Variants in LRRC9 observed in about 807,000 individuals in gnomAD.
LRRC9 encodes the protein leucine rich repeat containing 9.
In LRRC9, 122 loss-of-function variants were observed where a neutral mutation model predicts 63.2. The ratio of observed to expected loss-of-function variants is 1.93; its 90% CI spans 1.67 to 2.24. The LOEUF is 2.24. Among genes scored for constraint, LRRC9 ranks in the 30% most tolerant of loss-of-function variants. LRRC9 has a pLI of 0.00. For synonymous variants in LRRC9, 366 were observed against 213.1 expected (o/e 1.72, Z -6.25); for missense variants, 1,071 against 627.7 (o/e 1.71, Z -7.55).
At chr14:59,981,463 T>C (rs1194824559) in intron 15 of LRRC9, among the ~76,000 whole-genome samples, 1 of 152,220 alleles carries the variant, frequency 6.6e-6, no homozygotes, top group Non-Finnish European at 1.5e-5. Flanking sequence ...TTCAAGTTTC[T>C]CTGGATCTGA....
rs1244698820 is a variant in LRRC9 at position 59,962,477 on chromosome 14, C to T, written c.1211+1432C>T. Among the ~76,000 whole-genome samples the T allele has an allele frequency of 1.3e-5, 2 of 151,738 alleles. No homozygotes were observed. Among genetic ancestry groups the T allele is most frequent in the Non-Finnish European group, 2.9e-5 (2 of 67,968 alleles). On this transcript the variant is annotated intron_variant, in intron 10 of 31. Transcript: ENST00000445360. The surrounding 1 kb of genome is among the most constrained non-coding windows in gnomAD (Gnocchi z 5.1). The stretch of plus-strand genomic sequence containing the variant: ...GGAGTGCAGTGGCCCGATCTCAGCT[C>T]GCTGCAACCTCTGCCTCCCAGGTTC...
chr14:59,993,367 T>G (rs1888382879), intron 17 of LRRC9, among the ~76,000 whole-genome samples: 2 of 151,964 alleles, frequency 1.3e-5, no homozygotes, highest in Admixed American at 1.3e-4. Context: ...ATAACAAAAT[T>G]GTAAAGACCA....
At chr14:59,947,263 A>C (rs1299089168) in intron 8 of LRRC9, among the ~76,000 whole-genome samples, 1 of 144,832 alleles carries the variant, frequency 6.9e-6, no homozygotes, top group African/African-American at 2.6e-5. Context: ...GCCAGTGATG[A>C]TGAGCATTTT....
chr14:60,019,087 AGGATTTCT>A, intron 25 of LRRC9, 26 bp from the exon 26 acceptor site: 1 of 640,810 alleles, frequency 1.6e-6, no homozygotes, highest in Non-Finnish European at 2.8e-6. Context: ...AATAATTTCT[AGGATTTCT>A]GATTAATAAG....
intron 6 of LRRC9, among the ~76,000 whole-genome samples, chr14:59,934,866 T>C (rs1890003286): frequency 6.6e-6 from 1 of 152,046 alleles, no homozygotes. Flanking sequence ...TAGAAACAAA[T>C]AATCTAAGAT....
rs182424399 is a variant in LRRC9 at position 60,031,918 on chromosome 14, T to C, written c.3922-77T>C. 2 of 667,476 alleles carry C rather than the reference T, an allele frequency of 3.0e-6. No individual in the cohort carries two copies. Among genetic ancestry groups the C allele is most frequent in the African/African-American group, 1.8e-5 (1 of 55,586 alleles). The allele number at this position is 667,476 out of a possible 1,614,324, so 41.3% of individuals were successfully genotyped here. A position where few individuals can be genotyped will look rare whatever the true frequency, so the allele number is the denominator to read the frequency against. ...CTAGCTGCAAACTAACACTTACATATAATTACTTCAAATTAGTCTATATTT... is the reference window on the plus strand; with the variant it reads ...CTAGCTGCAAACTAACACTTACATACAATTACTTCAAATTAGTCTATATTT... On this transcript the variant is annotated intron_variant, in intron 28 of 31. Transcript: ENST00000445360. This position sits in a 1 kb window ranked among gnomAD's most constrained non-coding sequence, Gnocchi z 4.6.
chr14:59,992,514 C>T (rs1325137776), intron 17 of LRRC9, among the ~76,000 whole-genome samples: 2 of 151,996 alleles, frequency 1.3e-5, no homozygotes, highest in Non-Finnish European at 2.9e-5. Context: ...CTACTCAGAG[C>T]TAAAGGAGGA....
intron 29 of LRRC9, among the ~76,000 whole-genome samples, chr14:60,050,499 T>C (rs1893802399): frequency 6.6e-6 from 1 of 152,186 alleles, no homozygotes; most frequent in African/African-American, 2.4e-5. Flanking sequence ...CTTCTTTGCA[T>C]TGGGTTACAA....
At chr14:59,982,478 T>G (rs1170825749) in intron 16 of LRRC9, among the ~76,000 whole-genome samples, 1 of 152,076 alleles carries the variant, frequency 6.6e-6, no homozygotes, top group African/African-American at 2.4e-5. Flanking sequence ...GTGAGGGCCT[T>G]GCAGTGTCAT....
At position 60,060,303 on chromosome 14, in the gene LRRC9, A is replaced by G. The variant is rs1238285485; in HGVS notation, c.4276+2281A>G. ...CACTGACAATGCACCTAGTCACCTAATAACTCTGATGGAGAAGTACAAGGA... is the reference window on the plus strand; with the variant it reads ...CACTGACAATGCACCTAGTCACCTAGTAACTCTGATGGAGAAGTACAAGGA... On this transcript the variant is annotated intron_variant, in intron 31 of 31. Transcript: ENST00000445360. This position sits in a 1 kb window ranked among gnomAD's most constrained non-coding sequence, Gnocchi z 4.0. Among the ~76,000 whole-genome samples the G allele has an allele frequency of 2.0e-5, 3 of 152,230 alleles. No homozygotes were observed. The highest frequency in any genetic ancestry group is 7.2e-5 in the African/African-American group (3 of 41,468).
intron 29 of LRRC9, 21 bp downstream of exon 29, chr14:60,032,084 A>C: frequency 1.5e-6 from 1 of 677,848 alleles, no homozygotes; most frequent in Non-Finnish European, 2.7e-6. Context: ...TACCATTCTA[A>C]TTTATTAGTT....
At chr14:59,982,819 A>G (rs549002892) in intron 16 of LRRC9, among the ~76,000 whole-genome samples, 7 of 152,350 alleles carry the variant, frequency 4.6e-5, no homozygotes, top group African/African-American at 1.7e-4. Context: ...AGTGCTCAAT[A>G]GCCATTTGAG....
intron 15 of LRRC9, among the ~76,000 whole-genome samples, chr14:59,978,809 T>C (rs182427741): frequency 3.3e-5 from 5 of 152,028 alleles, no homozygotes; most frequent in Admixed American, 6.6e-5. Context: ...AACTTGGGAG[T>C]CAAAGGATAT....
At chr14:59,981,684 T>C (rs1377260157) in intron 15 of LRRC9, among the ~76,000 whole-genome samples, 164 bp from the exon 16 acceptor site, 2 of 152,228 alleles carry the variant, frequency 1.3e-5, no homozygotes, top group Non-Finnish European at 2.9e-5. Context: ...ATGCATAGCC[T>C]ACAATTTTAA....
intron 12 of LRRC9, among the ~76,000 whole-genome samples, chr14:59,969,777 C>T (rs1239375911): frequency 6.6e-6 from 1 of 152,134 alleles, no homozygotes. Flanking sequence ...GAGTTCATTC[C>T]CTACCGAATA....
chr14:60,033,374 C>A (rs933295191), intron 29 of LRRC9, among the ~76,000 whole-genome samples: 1 of 152,096 alleles, frequency 6.6e-6, no homozygotes, highest in Non-Finnish European at 1.5e-5. Context: ...TAGTAAGTTA[C>A]TAATTTCAAA....
At chr14:59,960,099 T>G (rs1029636897) in intron 9 of LRRC9, 85 bp downstream of exon 9, 1 of 546,716 alleles carries the variant, frequency 1.8e-6, no homozygotes, top group African/African-American at 1.9e-5. Flanking sequence ...CCTAGTTCCC[T>G]TCTTCAGGAG....
intron 29 of LRRC9, among the ~76,000 whole-genome samples, chr14:60,048,518 G>A (rs531807568): frequency 7.2e-5 from 11 of 152,192 alleles, no homozygotes; most frequent in African/African-American, 2.4e-4. Flanking sequence ...ACACCTCTAT[G>A]CACATGAACT....
At position 60,042,688 on chromosome 14, in the gene LRRC9, T is replaced by C. The variant is rs547870777; in HGVS notation, c.3991-10377T>C. Reference sequence around the variant, plus strand: ...CTAGGAAAGGGAATTTCCCCACCCTTTGCACTTCCCGGGTGAGGCAATGCC... The same window carrying C: ...CTAGGAAAGGGAATTTCCCCACCCTCTGCACTTCCCGGGTGAGGCAATGCC... On this transcript the variant is annotated intron_variant, in intron 29 of 31. Transcript: ENST00000445360. This position sits in a 1 kb window ranked among gnomAD's most constrained non-coding sequence, Gnocchi z 4.2. 7.9e-5 allele frequency among the ~76,000 whole-genome samples: 12 copies of C among 152,272 alleles called. No individual in the cohort carries two copies. In the South Asian group the frequency reaches 2.3e-3, roughly 29 times the overall value.
Sources: gnomAD v4.1 joint callset for allele counts (sites outside exome capture counted in the v4.1 genomes callset) on GRCh38, gnomAD v4.1.1 for gene constraint, Gnocchi (gnomAD v3.1) non-coding constraint, MANE v1.5 for transcripts, NCBI Gene and HGNC (gene_info 2026-07-23, HGNC 2026-07-21) for gene names.